The following TMC5 variants were observed in gnomAD, a reference collection of about 807,000 sequenced individuals.
The protein encoded by TMC5 is transmembrane channel-like protein 5.
Under a neutral mutation model 110.5 loss-of-function variants are expected in TMC5, and 86 were observed. The ratio of observed to expected loss-of-function variants is 0.78; its 90% CI spans 0.65 to 0.93. TMC5 has a LOEUF of 0.93. Ranked by LOEUF, TMC5 falls within the 40% of genes least tolerant of loss-of-function variation. The pLI is 0.00. For missense variants in TMC5, 1,144 were observed against 1,222.8 expected, an observed-to-expected ratio of 0.94 and a Z score of 0.96; for synonymous variants, 455 against 439.5, an observed-to-expected ratio of 1.04 and a Z score of -0.44.
intron 8 of TMC5, among the ~76,000 whole-genome samples, chr16:19,465,155 T>A (rs1368683026): frequency 1.3e-5 from 2 of 148,974 alleles, no homozygotes; most frequent in Non-Finnish European, 3.0e-5. Flanking sequence ...CAAAATGTCT[T>A]TCATAACTTG....
intron 10 of TMC5, among the ~76,000 whole-genome samples, chr16:19,470,316 G>C (rs1968305178): frequency 6.6e-6 from 1 of 151,986 alleles, no homozygotes; most frequent in Non-Finnish European, 1.5e-5. Flanking sequence ...AGCCTCCCAA[G>C]TAGCTGGGAT....
chr16:19,456,492 T>C (rs1967875983), intron 5 of TMC5: 2 of 1,258,828 alleles, frequency 1.6e-6, no homozygotes, highest in Admixed American at 7.5e-5. Context: ...CTGAGAAAAC[T>C]CCTCAGGGGT....
intron 9 of TMC5, among the ~76,000 whole-genome samples, chr16:19,468,952 A>G (rs1035895417): frequency 1.2e-4 from 19 of 152,200 alleles, no homozygotes; most frequent in Admixed American, 1.0e-3. Context: ...TGACTACACC[A>G]CTGCACTCTA....
intron 2 of TMC5, among the ~76,000 whole-genome samples, chr16:19,430,999 C>T (rs1203148080): frequency 6.6e-6 from 1 of 151,638 alleles, no homozygotes; most frequent in African/African-American, 2.4e-5. Context: ...CCTGAGATTA[C>T]AGGCACGCGC....
At chr16:19,477,401 C>A in intron 12 of TMC5, 39 bp from the exon 13 acceptor site, 2 of 1,425,090 alleles carry the variant, frequency 1.4e-6, no homozygotes, top group Non-Finnish European at 9.9e-7. Context: ...TGAAAGACTG[C>A]CATTGAAGGT....
At chr16:19,463,180 G>C (rs573059077) in intron 6 of TMC5, 100 bp from the exon 7 acceptor site, 4 of 890,762 alleles carry the variant, frequency 4.5e-6, no homozygotes, top group South Asian at 2.9e-5. Flanking sequence ...CTCAGCTTCC[G>C]AAGTGTTGGG....
At position 19,494,946 on chromosome 16, in the gene TMC5, T is replaced by C. The variant is rs1014644170; in HGVS notation, c.2931+580T>C. ...TTTCACAACCCCGATAATACAGAAG[T>C]AGATCCCACTGAGATGAAAAGGGCC... On this transcript the variant is annotated intron_variant, in intron 20 of 21. Coordinates refer to ENST00000542583, the MANE Select transcript of TMC5 (RefSeq NM_001261841.2). 7.2e-5 allele frequency among the ~76,000 whole-genome samples: 11 copies of C among 151,992 alleles called. No individual in the cohort carries two copies. The East Asian group carries it at 2.1e-3, about 29-fold the overall frequency.
At chr16:19,456,620 C>A in intron 5 of TMC5, 1 of 1,520,106 alleles carries the variant, frequency 6.6e-7, no homozygotes, top group Non-Finnish European at 8.8e-7. Flanking sequence ...TTTTTCCCTG[C>A]GAGTCCCAAT....
At chr16:19,412,559 G>C (rs972862339) in intron 1 of TMC5, among the ~76,000 whole-genome samples, 1 of 151,980 alleles carries the variant, frequency 6.6e-6, no homozygotes, top group African/African-American at 2.4e-5. Context: ...GTAGAGATGG[G>C]CTTTCATCAT....
chr16:19,481,996 C>T (rs942144802), intron 15 of TMC5, among the ~76,000 whole-genome samples: 4 of 152,182 alleles, frequency 2.6e-5, no homozygotes. Context: ...CTGAATCTAC[C>T]AGCACCTTGA....
intron 5 of TMC5, among the ~76,000 whole-genome samples, chr16:19,455,389 C>A (rs1967842014): frequency 1.3e-5 from 2 of 152,020 alleles, no homozygotes; most frequent in African/African-American, 4.8e-5. Context: ...CCACTGTACT[C>A]CAGCCTGGGC....
chr16:19,494,910 G>T (rs564842276), intron 20 of TMC5, among the ~76,000 whole-genome samples: 1 of 152,052 alleles, frequency 6.6e-6, no homozygotes, highest in African/African-American at 2.4e-5. Flanking sequence ...CATGGAACTT[G>T]CACGCTTGTT....
At chr16:19,443,405 T>A (rs891244879) in intron 3 of TMC5, among the ~76,000 whole-genome samples, 9 of 152,296 alleles carry the variant, frequency 5.9e-5, no homozygotes, top group Middle Eastern at 3.4e-3. Context: ...CAATCCCTGC[T>A]CAGATGTATC....
Position 19,497,164 on chromosome 16 carries a change from G to A in TMC5, c.2974+1G>A. 1 of 1,613,814 alleles carries A rather than the reference G, an allele frequency of 6.2e-7. No individual in the cohort carries two copies. Among genetic ancestry groups the A allele is most frequent in the East Asian group, 2.2e-5 (1 of 44,876 alleles). ...TTGGGGGAACATGATGGCAGTCTTGGTGAGTAATTAAACTGGGACAGAATA... is the reference window on the plus strand; with the variant it reads ...TTGGGGGAACATGATGGCAGTCTTGATGAGTAATTAAACTGGGACAGAATA... On this transcript the variant is annotated splice_donor_variant, in intron 21 of 21. Coordinates refer to ENST00000542583, the MANE Select transcript of TMC5 (RefSeq NM_001261841.2). LOFTEE classifies it high-confidence loss of function.
At chr16:19,479,330 C>T (rs762042315) in intron 13 of TMC5, 101 bp from the exon 14 acceptor site, 3 of 900,342 alleles carry the variant, frequency 3.3e-6, no homozygotes, top group Non-Finnish European at 5.6e-6. Flanking sequence ...TCAAACCCAA[C>T]CATTAGCTAT....
At chr16:19,479,135 G>C (rs922049266) in intron 13 of TMC5, among the ~76,000 whole-genome samples, 2 of 152,212 alleles carry the variant, frequency 1.3e-5, no homozygotes, top group Non-Finnish European at 2.9e-5. Flanking sequence ...GGGATCCAGA[G>C]GGGATAGGGC....
chr16:19,458,417 T>G (rs1967940652), intron 5 of TMC5, among the ~76,000 whole-genome samples: 1 of 152,046 alleles, frequency 6.6e-6, no homozygotes, highest in Non-Finnish European at 1.5e-5. Context: ...TTCACCATGT[T>G]GGCCAGGCTG....
At chr16:19,448,403 C>T (rs957256824) in intron 4 of TMC5, among the ~76,000 whole-genome samples, 2 of 151,584 alleles carry the variant, frequency 1.3e-5, no homozygotes, top group African/African-American at 2.4e-5. Context: ...TTGTTTGAGC[C>T]GCCCAGAAGT....
chr16:19,411,011 G>GCGGCTCCAGCCCCAGACCGC, exon 1 of TMC5: 1 of 152,460 alleles, frequency 6.6e-6, no homozygotes, highest in African/African-American at 2.4e-5. Context: ...GGAGGGGGCA[G>GCGGCTCCAGCCCCAGACCGC]CGGCTCCAGC....
Sources: gnomAD v4.1 joint callset for allele counts (sites outside exome capture counted in the v4.1 genomes callset) on GRCh38, gnomAD v4.1.1 for gene constraint, MANE v1.5 for transcripts, NCBI Gene and HGNC (gene_info 2026-07-23, HGNC 2026-07-21) for gene names.